Variants in NBEA observed in about 807,000 individuals in gnomAD.
The protein encoded by NBEA is lysosomal-trafficking regulator 2.
Under a neutral mutation model 343.4 loss-of-function variants are expected in NBEA, and 44 were observed. That is an observed-to-expected ratio of 0.13 (90% confidence interval 0.10 to 0.16). The LOEUF is 0.16. Ranked by LOEUF, NBEA falls within the 10% of genes least tolerant of loss-of-function variation. The pLI, the probability that NBEA is intolerant of heterozygous loss-of-function variation, is 1.00. For missense variants in NBEA, 2,555 were observed against 3,631.3 expected (o/e 0.70, Z 7.62); for synonymous variants, 1,175 against 1,238.7 (o/e 0.95, Z 1.08).
intron 18 of NBEA, among the ~76,000 whole-genome samples, chr13:35,149,170 G>GT (rs544641067): frequency 1.7e-4 from 26 of 152,082 alleles, no homozygotes; most frequent in Non-Finnish European, 3.2e-4. Context: ...TTATAGTAGT[G>GT]TTTTAATATT....
intron 41 of NBEA, among the ~76,000 whole-genome samples, chr13:35,503,151 T>A (rs1381197661): frequency 6.6e-6 from 1 of 151,934 alleles, no homozygotes; most frequent in Non-Finnish European, 1.5e-5. Flanking sequence ...ATGAATTAAA[T>A]GTTGTTGTGC....
rs1476588910 is a variant in NBEA, at chr13:35,306,387, C to A, written c.5839-3141C>A. ...AGATAGTGACCTTTAAAAGGAAGAT[C>A]CTCTAATTTCTTTGTCTCCTTTGTT... On this transcript the variant is annotated intron_variant, in intron 35 of 58. Transcript: ENST00000379939. Among the ~76,000 whole-genome samples the A allele has an allele frequency of 5.9e-5, 9 of 151,826 alleles. No individual in the cohort carries two copies. The East Asian group carries it at 1.7e-3, about 29-fold the overall frequency.
intron 1 of NBEA, among the ~76,000 whole-genome samples, chr13:35,030,743 TA>T (rs1566185104): frequency 1.3e-5 from 2 of 151,666 alleles, no homozygotes; most frequent in Non-Finnish European, 3.0e-5. Context: ...ATAAAGGTTA[TA>T]AAACCATCTC....
At chr13:35,656,371 T>C (rs2054418815) in intron 55 of NBEA, among the ~76,000 whole-genome samples, 1 of 152,240 alleles carries the variant, frequency 6.6e-6, no homozygotes, top group African/African-American at 2.4e-5. Context: ...GAAATAATTT[T>C]GGAGTACAGT....
intron 31 of NBEA, among the ~76,000 whole-genome samples, chr13:35,202,746 A>C (rs1013223171): frequency 3.9e-5 from 6 of 152,100 alleles, no homozygotes; most frequent in Non-Finnish European, 7.4e-5. Flanking sequence ...TAAACTAGAG[A>C]CTTATCTATC....
At chr13:35,406,373 A>G (rs2043271308) in intron 38 of NBEA, among the ~76,000 whole-genome samples, 1 of 147,074 alleles carries the variant, frequency 6.8e-6, no homozygotes, top group African/African-American at 2.5e-5. Context: ...TAAGTTCTTT[A>G]GTGGTGATTT....
chr13:35,050,013 ATTTG>A (rs2063009863), intron 5 of NBEA, among the ~76,000 whole-genome samples: 1 of 151,812 alleles, frequency 6.6e-6, no homozygotes, highest in South Asian at 2.1e-4. Flanking sequence ...TTGGCAATTA[ATTTG>A]TTTTTAAGTA....
intron 17 of NBEA, among the ~76,000 whole-genome samples, chr13:35,136,994 C>G (rs899948306): frequency 1.3e-5 from 2 of 152,148 alleles, no homozygotes; most frequent in Non-Finnish European, 1.5e-5. Context: ...CAATATAGCT[C>G]ACAAAAACTA....
chr13:35,215,081 A>G (rs976953528), intron 33 of NBEA, among the ~76,000 whole-genome samples: 1 of 151,646 alleles, frequency 6.6e-6, no homozygotes, highest in African/African-American at 2.4e-5. Context: ...GAGATGATGT[A>G]ATGTAAGTCC....
At position 35,472,391 on chromosome 13, in the gene NBEA, G is replaced by A; in HGVS notation, c.6449-9G>A. 1 of 1,612,100 alleles carries A rather than the reference G, an allele frequency of 6.2e-7. No individual in the cohort carries two copies. Among genetic ancestry groups the A allele is most frequent in the East Asian group, 2.2e-5 (1 of 44,838 alleles). On this transcript the variant is annotated splice_polypyrimidine_tract_variant and intron_variant, in intron 40 of 58. Coordinates refer to ENST00000379939, the MANE Select transcript of NBEA (RefSeq NM_001385012.1). ...GCTCAGCCTGACTCCCCTTGTCCTT[G>A]CCTTGCAGGCCCAGTGGTTCTCAGC...
chr13:35,558,819 A>C (rs1458871503), intron 44 of NBEA, among the ~76,000 whole-genome samples: 2 of 152,182 alleles, frequency 1.3e-5, no homozygotes, highest in Admixed American at 1.3e-4. Flanking sequence ...ACATAGAAGA[A>C]AGTACAGGAT....
chr13:34,969,526 A>G (rs1482625884), intron 1 of NBEA, among the ~76,000 whole-genome samples: 2 of 152,058 alleles, frequency 1.3e-5, no homozygotes, highest in African/African-American at 4.8e-5. Flanking sequence ...CCTAGTAGAC[A>G]TTAGTTATTC....
intron 37 of NBEA, among the ~76,000 whole-genome samples, chr13:35,349,474 G>T (rs577351740): frequency 6.6e-6 from 1 of 152,066 alleles, no homozygotes; most frequent in South Asian, 2.1e-4. Context: ...CTACTCAAGA[G>T]TAAATGCAAA....
chr13:35,016,730 G>A (rs1053405168), intron 1 of NBEA, among the ~76,000 whole-genome samples: 2 of 152,100 alleles, frequency 1.3e-5, no homozygotes, highest in African/African-American at 4.8e-5. Context: ...GGAGACATAC[G>A]GTATTTTAGG....
At chr13:35,237,122 T>A (rs918843321) in intron 34 of NBEA, among the ~76,000 whole-genome samples, 1 of 152,028 alleles carries the variant, frequency 6.6e-6, no homozygotes, top group Non-Finnish European at 1.5e-5. Context: ...TCAGGCCTGG[T>A]GACATGTGCC....
chr13:35,358,289 A>G (rs976145769), intron 38 of NBEA, among the ~76,000 whole-genome samples: 2 of 151,140 alleles, frequency 1.3e-5, no homozygotes, highest in Admixed American at 1.3e-4. Flanking sequence ...CTCCCACAGT[A>G]CTGGGGTTAT....
intron 46 of NBEA, chr13:35,593,081 C>T (rs2081610841): frequency 2.6e-6 from 1 of 377,434 alleles, no homozygotes; most frequent in South Asian, 6.3e-5. Flanking sequence ...AGCACTGGAA[C>T]CCCATCATTT....
intron 35 of NBEA, among the ~76,000 whole-genome samples, chr13:35,308,524 ATATATATG>A (rs1211335292): frequency 2.6e-5 from 3 of 117,598 alleles, no homozygotes; most frequent in Non-Finnish European, 3.5e-5. Context: ...GTATATATGT[ATATATATG>A]TATATATGTA....
chr13:34,968,273 G>A (rs2059891090), intron 1 of NBEA, among the ~76,000 whole-genome samples: 1 of 152,008 alleles, frequency 6.6e-6, no homozygotes, highest in South Asian at 2.1e-4. Context: ...TCTTATCAAG[G>A]CTTCAATTAT....
Sources: allele counts gnomAD v4.1 joint callset (sites outside exome capture counted in the v4.1 genomes callset), GRCh38; gene constraint gnomAD v4.1.1; transcripts MANE v1.5; gene names NCBI Gene and HGNC (gene_info 2026-07-23, HGNC 2026-07-21).